The following FAM135B variants were observed in gnomAD, a reference collection of about 807,000 sequenced individuals.
The protein encoded by FAM135B is protein FAM135B.
In FAM135B, 43 loss-of-function variants were observed where a neutral mutation model predicts 127.7. The observed-to-expected ratio is 0.34, with a 90% CI of 0.26 to 0.43. The LOEUF is 0.43. Among genes scored for constraint, FAM135B ranks in the 20% least tolerant of loss-of-function variants. FAM135B has a pLI of 1.00. For synonymous variants in FAM135B, 670 were observed against 665.1 expected (o/e 1.01, Z -0.11); for missense variants, 1,558 against 1,725.6 (o/e 0.90, Z 1.72).
chr8:138,223,737 A>C (rs1819201829), intron 7 of FAM135B, among the ~76,000 whole-genome samples: 1 of 152,224 alleles, frequency 6.6e-6, no homozygotes, highest in South Asian at 2.1e-4. Context: ...TGTTAAACTC[A>C]CATGTTCTTC....
At position 138,243,146 on chromosome 8, in the gene FAM135B, G is replaced by GT; in HGVS notation, c.543-79dup. The GT allele has an allele frequency of 6.6e-7, 1 of 1,504,446 alleles. No homozygotes were observed. The highest frequency in any genetic ancestry group is 2.3e-5 in the East Asian group (1 of 43,368). The allele number at this position is 1,504,446 out of a possible 1,614,324, so 93.2% of individuals were successfully genotyped here. A position where few individuals can be genotyped will look rare whatever the true frequency, so the allele number is the denominator to read the frequency against. Reference sequence around the variant, plus strand: ...GCCATTAACTCAGCCCCTTTGAGGAGTGTTCCTGTGAAGCATTTGGGATAA... The same window carrying GT: ...GCCATTAACTCAGCCCCTTTGAGGAGTTGTTCCTGTGAAGCATTTGGGATAA... On this transcript the variant is annotated intron_variant, in intron 6 of 19. Transcript: ENST00000395297. The surrounding 1 kb of genome is among the most constrained non-coding windows in gnomAD (Gnocchi z 7.5).
intron 9 of FAM135B, among the ~76,000 whole-genome samples, chr8:138,181,395 G>A (rs10505694): frequency 0.53 from 81,034 of 151,848 alleles, 22,155 homozygotes; most frequent in East Asian, 0.81. Context: ...TCACTAATAA[G>A]ACCCAACCTT....
chr8:138,314,510 C>G (rs1220338180), intron 2 of FAM135B, among the ~76,000 whole-genome samples: 1 of 152,046 alleles, frequency 6.6e-6, no homozygotes, highest in African/African-American at 2.4e-5. Flanking sequence ...AGAGGGCAAA[C>G]AAGCTCATGA....
chr8:138,147,698 T>C (rs1817765632), intron 14 of FAM135B, among the ~76,000 whole-genome samples: 2 of 152,170 alleles, frequency 1.3e-5, no homozygotes, highest in African/African-American at 4.8e-5. Context: ...TAATGTGATC[T>C]ATGGCTCCGT....
intron 1 of FAM135B, among the ~76,000 whole-genome samples, chr8:138,402,812 T>C (rs1255749709): frequency 6.6e-6 from 1 of 152,196 alleles, no homozygotes; most frequent in Non-Finnish European, 1.5e-5. Context: ...ACTGAATGTT[T>C]GTGTTTTCCA....
intron 2 of FAM135B, among the ~76,000 whole-genome samples, chr8:138,339,652 A>G (rs1199497903): frequency 6.6e-6 from 1 of 152,192 alleles, no homozygotes; most frequent in African/African-American, 2.4e-5. Flanking sequence ...ATATGTGCAT[A>G]TGGTGATTAG....
intron 1 of FAM135B, among the ~76,000 whole-genome samples, chr8:138,392,078 T>A (rs149690747): frequency 1.2e-4 from 19 of 152,310 alleles, no homozygotes; most frequent in African/African-American, 4.3e-4. Context: ...TGGAACCAAA[T>A]AACATATGGA....
intron 11 of FAM135B, among the ~76,000 whole-genome samples, chr8:138,171,552 A>G (rs1166781593): frequency 6.6e-6 from 1 of 152,240 alleles, no homozygotes; most frequent in Non-Finnish European, 1.5e-5. Flanking sequence ...AATGCCTCCC[A>G]TACAGTGAAC....
chr8:138,295,668 T>C (rs1008435666), intron 3 of FAM135B, among the ~76,000 whole-genome samples: 1 of 152,116 alleles, frequency 6.6e-6, no homozygotes, highest in Non-Finnish European at 1.5e-5. Flanking sequence ...GGGAGACACA[T>C]GCAAGCATCC....
At chr8:138,441,996 C>G (rs1361663421) in intron 1 of FAM135B, among the ~76,000 whole-genome samples, 1 of 151,648 alleles carries the variant, frequency 6.6e-6, no homozygotes, top group African/African-American at 2.4e-5. Context: ...CCGAGTGATG[C>G]AGATTGGTGT....
chr8:138,490,809 C>T (rs1261594253), intron 1 of FAM135B, among the ~76,000 whole-genome samples: 1 of 152,118 alleles, frequency 6.6e-6, no homozygotes, highest in Non-Finnish European at 1.5e-5. Flanking sequence ...ACTTCAACGT[C>T]TGCTAAATAT....
intron 3 of FAM135B, among the ~76,000 whole-genome samples, chr8:138,278,869 T>A (rs556711350): frequency 6.6e-6 from 1 of 152,190 alleles, no homozygotes; most frequent in African/African-American, 2.4e-5. Flanking sequence ...TCAAATGAGA[T>A]GATACAAATC....
At chr8:138,350,635 T>C (rs1829720608) in intron 2 of FAM135B, among the ~76,000 whole-genome samples, 1 of 152,302 alleles carries the variant, frequency 6.6e-6, no homozygotes, top group East Asian at 1.9e-4. Flanking sequence ...GAATATTTGG[T>C]TGTGAAACAG....
intron 1 of FAM135B, among the ~76,000 whole-genome samples, chr8:138,476,906 G>A (rs1319561240): frequency 6.6e-6 from 1 of 152,210 alleles, no homozygotes; most frequent in Non-Finnish European, 1.5e-5. Context: ...GATACCTGAT[G>A]AAGATTCCTT....
intron 3 of FAM135B, among the ~76,000 whole-genome samples, chr8:138,298,802 T>A (rs764365948): frequency 1.3e-5 from 2 of 151,998 alleles, no homozygotes; most frequent in Non-Finnish European, 2.9e-5. Flanking sequence ...GAACACACAA[T>A]GGGAGGGACA....
chr8:138,330,802 T>G (rs549739510), intron 2 of FAM135B, among the ~76,000 whole-genome samples: 1 of 152,238 alleles, frequency 6.6e-6, no homozygotes, highest in African/African-American at 2.4e-5. Flanking sequence ...AGGCAATCAA[T>G]GATCTCCAGA....
intron 1 of FAM135B, among the ~76,000 whole-genome samples, chr8:138,411,456 C>T (rs1269144511): frequency 6.6e-6 from 1 of 152,052 alleles, no homozygotes; most frequent in Non-Finnish European, 1.5e-5. Context: ...AAACTGGATC[C>T]CTTCCTTACA....
chr8:138,197,075 ATG>A (rs6150843), intron 8 of FAM135B, among the ~76,000 whole-genome samples: 7,617 of 132,234 alleles, frequency 0.058, 212 homozygotes, highest in Non-Finnish European at 0.075. Context: ...ATGTATGCAT[ATG>A]TGTGTGTGTG....
chr8:138,330,501 A>G (rs1399975082), intron 2 of FAM135B, among the ~76,000 whole-genome samples: 1 of 152,190 alleles, frequency 6.6e-6, no homozygotes, highest in Non-Finnish European at 1.5e-5. Context: ...AAATAAAAAT[A>G]GTACAACTGC....
Sources: gnomAD v4.1 joint callset for allele counts (sites outside exome capture counted in the v4.1 genomes callset) on GRCh38, gnomAD v4.1.1 for gene constraint, Gnocchi (gnomAD v3.1) non-coding constraint, MANE v1.5 for transcripts, NCBI Gene and HGNC (gene_info 2026-07-23, HGNC 2026-07-21) for gene names.